KLHL1: variants seen among roughly 807,000 people sequenced by gnomAD.
The protein encoded by KLHL1 is kelch like family member 1.
KLHL1 carries 47 observed loss-of-function variants against 77.7 expected under a neutral mutation model. That is an observed-to-expected ratio of 0.60 (90% CI 0.48 to 0.77). The LOEUF (loss-of-function observed/expected upper bound fraction) is 0.77, where lower values mean the gene tolerates loss of function less well. Ranked by LOEUF, KLHL1 falls within the 30% of genes least tolerant of loss-of-function variation. The probability of loss-of-function intolerance (pLI) is 0.00; values close to 1 mark genes in which losing one functional copy is unlikely to be tolerated. For missense variants in KLHL1, 925 were observed against 910.8 expected (o/e 1.02, Z -0.20); for synonymous variants, 360 against 325.2 (o/e 1.11, Z -1.15).
intron 5 of KLHL1, among the ~76,000 whole-genome samples, chr13:69,847,404 C>CAAAAAAAAAAAAAAAA (rs11357077): frequency 1.4e-4 from 21 of 145,930 alleles, no homozygotes; most frequent in African/African-American, 2.3e-4. Context: ...ACTGCATTAG[C>CAAAAAAAAAAAAAAAA]AAAAAAAAAA....
intron 4 of KLHL1, among the ~76,000 whole-genome samples, chr13:69,906,443 C>T (rs746523070): frequency 2.6e-5 from 4 of 151,748 alleles, no homozygotes; most frequent in Non-Finnish European, 4.4e-5. Flanking sequence ...ATTTGCAAAC[C>T]GGGAAAACAG....
At chr13:69,717,010 C>T (rs1433025915) in intron 9 of KLHL1, among the ~76,000 whole-genome samples, 1 of 152,136 alleles carries the variant, frequency 6.6e-6, no homozygotes, top group Non-Finnish European at 1.5e-5. Context: ...CTAAAGTCCT[C>T]ATTCTCATTC....
chr13:70,050,586 T>C (rs1886605926), intron 1 of KLHL1, among the ~76,000 whole-genome samples: 1 of 151,932 alleles, frequency 6.6e-6, no homozygotes, highest in Non-Finnish European at 1.5e-5. Context: ...ATTCTAAAAA[T>C]CAGATAAAAT....
chr13:69,890,238 C>CA (rs11353006), intron 4 of KLHL1, among the ~76,000 whole-genome samples: 7 of 151,652 alleles, frequency 4.6e-5, no homozygotes, highest in Non-Finnish European at 1.0e-4. Flanking sequence ...TAACAATTTC[C>CA]AAAAAAAGAA....
chr13:69,786,856 A>G (rs1217288987), intron 7 of KLHL1, among the ~76,000 whole-genome samples: 1 of 152,190 alleles, frequency 6.6e-6, no homozygotes, highest in Non-Finnish European at 1.5e-5. Flanking sequence ...ATTCTTATAC[A>G]CCAATAACAG....
chr13:69,738,657 G>A (rs916165199), intron 8 of KLHL1, among the ~76,000 whole-genome samples: 1 of 151,906 alleles, frequency 6.6e-6, no homozygotes, highest in Non-Finnish European at 1.5e-5. Context: ...ATCATAACTT[G>A]AAGACTATCT....
intron 5 of KLHL1, among the ~76,000 whole-genome samples, chr13:69,859,571 T>A (rs1880055923): frequency 1.3e-5 from 2 of 152,158 alleles, no homozygotes; most frequent in African/African-American, 4.8e-5. Flanking sequence ...GTCCTCAATA[T>A]CCCTGTGAAT....
intron 4 of KLHL1, among the ~76,000 whole-genome samples, chr13:69,886,980 A>T (rs908572130): frequency 6.6e-6 from 1 of 152,238 alleles, no homozygotes; most frequent in Non-Finnish European, 1.5e-5. Flanking sequence ...TAGAAAGATG[A>T]GTTCTTAGGA....
Position 69,950,613 on chromosome 13 carries a change from A to T in KLHL1, c.818-10377T>A, listed in dbSNP as rs890210481. 2.0e-5 allele frequency among the ~76,000 whole-genome samples: 3 copies of T among 151,662 alleles called. No individual in the cohort carries two copies. The Admixed American group carries it at 2.0e-4, about 10-fold the overall frequency. ...ACTCATGGTCGTAGAAGTTATTTAA[A>T]TCTTCACTTAAGTAACATAATTTGT... On this transcript the variant is annotated intron_variant, in intron 3 of 10. Transcript: ENST00000377844.
At chr13:69,853,946 C>T (rs975135712) in intron 5 of KLHL1, among the ~76,000 whole-genome samples, 1 of 151,964 alleles carries the variant, frequency 6.6e-6, no homozygotes, top group South Asian at 2.1e-4. Context: ...CTTTCCCTTT[C>T]ACTTCAATGC....
At chr13:70,031,201 G>A (rs1479434898) in intron 1 of KLHL1, among the ~76,000 whole-genome samples, 1 of 152,146 alleles carries the variant, frequency 6.6e-6, no homozygotes, top group Non-Finnish European at 1.5e-5. Context: ...GCAATTCTAT[G>A]CAGAAGGTTT....
chr13:70,096,158 G>C (rs980206743), intron 1 of KLHL1, among the ~76,000 whole-genome samples: 6 of 152,058 alleles, frequency 3.9e-5, no homozygotes, highest in Admixed American at 1.3e-4. Flanking sequence ...AAACACAGGA[G>C]AGCAGATGTT....
At chr13:69,788,879 AT>A (rs1876707306) in intron 7 of KLHL1, among the ~76,000 whole-genome samples, 1 of 152,154 alleles carries the variant, frequency 6.6e-6, no homozygotes, top group Admixed American at 6.6e-5. Flanking sequence ...TTTCTGATTT[AT>A]TAGTTATAAA....
At chr13:70,050,103 C>T (rs1886594357) in intron 1 of KLHL1, among the ~76,000 whole-genome samples, 1 of 151,804 alleles carries the variant, frequency 6.6e-6, no homozygotes, top group Admixed American at 6.6e-5. Flanking sequence ...TTAAATTGAG[C>T]AGATGACACT....
intron 4 of KLHL1, among the ~76,000 whole-genome samples, chr13:69,905,927 C>A (rs1882033180): frequency 6.6e-6 from 1 of 151,972 alleles, no homozygotes; most frequent in Non-Finnish European, 1.5e-5. Context: ...ATGAGAGATT[C>A]TTTGTAAATT....
At chr13:69,905,504 A>G (rs1882016146) in intron 4 of KLHL1, among the ~76,000 whole-genome samples, 1 of 152,034 alleles carries the variant, frequency 6.6e-6, no homozygotes, top group South Asian at 2.1e-4. Context: ...GATCAACTCC[A>G]TGATATAAAT....
chr13:69,716,405 GA>G (rs370711932), intron 9 of KLHL1, among the ~76,000 whole-genome samples: 2,097 of 147,988 alleles, frequency 0.014, 63 homozygotes, highest in African/African-American at 0.047. Flanking sequence ...CTAGTTTAGT[GA>G]AAAAAAAAAT....
chr13:70,074,069 C>A (rs1208338462), intron 1 of KLHL1, among the ~76,000 whole-genome samples: 1 of 151,986 alleles, frequency 6.6e-6, no homozygotes, highest in African/African-American at 2.4e-5. Flanking sequence ...TCAGGTGATC[C>A]GCCCACCTCG....
intron 9 of KLHL1, among the ~76,000 whole-genome samples, chr13:69,718,966 A>T (rs1209991028): frequency 6.6e-6 from 1 of 152,188 alleles, no homozygotes; most frequent in African/African-American, 2.4e-5. Context: ...GAAGAATAGA[A>T]CACAGAAGCA....
Sources: gnomAD v4.1 joint callset for allele counts (sites outside exome capture counted in the v4.1 genomes callset) on GRCh38, gnomAD v4.1.1 for gene constraint, MANE v1.5 for transcripts, NCBI Gene and HGNC (gene_info 2026-07-23, HGNC 2026-07-21) for gene names.